Variants in SLTM observed in about 807,000 individuals in gnomAD.
SLTM encodes SAFB like transcription modulator.
In SLTM, 43 loss-of-function variants were observed where a neutral mutation model predicts 134.6. The ratio of observed to expected loss-of-function variants is 0.32; its 90% CI spans 0.25 to 0.41. The LOEUF is 0.41. SLTM is among the 10% of genes least tolerant of loss of function. SLTM has a pLI of 1.00. For synonymous variants in SLTM, 424 were observed against 432.3 expected (o/e 0.98, Z 0.24); for missense variants, 1,055 against 1,288.8 (o/e 0.82, Z 2.78).
At chr15:58,929,567 T>C (rs1241902368) in intron 2 of SLTM, among the ~76,000 whole-genome samples, 1 of 152,238 alleles carries the variant, frequency 6.6e-6, no homozygotes, top group African/African-American at 2.4e-5. Flanking sequence ...AAATTTGGTT[T>C]CTAAAAGTTA....
At chr15:58,882,181 C>CCAAAAAAAAAAAAA (rs753740342) in intron 20 of SLTM, among the ~76,000 whole-genome samples, 1 of 59,526 alleles carries the variant, frequency 1.7e-5, no homozygotes, top group Non-Finnish European at 3.1e-5. Flanking sequence ...GACTCTGTCT[C>CCAAAAAAAAAAAAA]AAAAAAAAAA....
At position 58,894,080 on chromosome 15, in the gene SLTM, A is replaced by T. The variant is rs2034880962; in HGVS notation, c.1481+10T>A. The T allele has an allele frequency of 6.3e-7, 1 of 1,594,096 alleles. No individual in the cohort carries two copies. Among genetic ancestry groups the T allele is most frequent in the African/African-American group, 1.4e-5 (1 of 73,564 alleles). On this transcript the variant is annotated intron_variant, in intron 11 of 20. Transcript: ENST00000380516. ...CTTATCAAAATAAATAAATAAAAAT[A>T]AATCCTTACTTGCTACTTCTATCAC... is the stretch of plus-strand genomic sequence containing the variant.
intron 9 of SLTM, among the ~76,000 whole-genome samples, chr15:58,896,047 TA>T (rs2035053484): frequency 6.6e-6 from 1 of 152,220 alleles, no homozygotes; most frequent in African/African-American, 2.4e-5. Flanking sequence ...TGAAAAACTA[TA>T]ATGTAAGTAG....
At chr15:58,904,650 G>T (rs1202851399) in intron 5 of SLTM, among the ~76,000 whole-genome samples, 1 of 151,538 alleles carries the variant, frequency 6.6e-6, no homozygotes, top group East Asian at 1.9e-4. Flanking sequence ...GGGTTCCAGG[G>T]ATTCTCATGC....
chr15:58,922,546 ATG>A (rs1491363256), intron 2 of SLTM, among the ~76,000 whole-genome samples: 3 of 696 alleles, frequency 4.3e-3, no homozygotes, highest in Non-Finnish European at 0.013. Flanking sequence ...TATATTTTAT[ATG>A]TATATAATAT....
chr15:58,922,446 A>ATATAT (rs1400191325), intron 2 of SLTM, among the ~76,000 whole-genome samples: 1 of 145,532 alleles, frequency 6.9e-6, no homozygotes, highest in African/African-American at 2.5e-5. Context: ...AACACTATAT[A>ATATAT]TATATTTATA....
At chr15:58,898,689 C>A in intron 8 of SLTM, 114 bp downstream of exon 8, 1 of 711,674 alleles carries the variant, frequency 1.4e-6, no homozygotes, top group South Asian at 1.6e-5. Context: ...AGTTTCTAGT[C>A]TGTCAATAAA....
chr15:58,930,349 C>T (rs2037785179), intron 2 of SLTM, among the ~76,000 whole-genome samples: 4 of 146,464 alleles, frequency 2.7e-5, no homozygotes, highest in Admixed American at 6.9e-5. Context: ...AGGCTGCTCT[C>T]GAATTCCCGA....
rs541666977 is a variant in SLTM, at chr15:58,899,231, A to G, written c.1058+238T>C. 9 of 473,952 alleles carry G rather than the reference A, an allele frequency of 1.9e-5. No homozygotes were observed. Among genetic ancestry groups the G allele is most frequent in the African/African-American group, 1.2e-4 (6 of 49,550 alleles). The allele number at this position is 473,952 out of a possible 1,614,324, so 29.4% of individuals were successfully genotyped here. A position where few individuals can be genotyped will look rare whatever the true frequency, so the allele number is the denominator to read the frequency against. On this transcript the variant is annotated intron_variant, in intron 7 of 20. Transcript: ENST00000380516. The surrounding 1 kb of genome is among the most constrained non-coding windows in gnomAD (Gnocchi z 5.0). ...TTGAAAAAAAAAAACAAAAAACAAA[A>G]AACAACAAAAAAACCAAATATATGC...
chr15:58,904,114 C>T (rs550953729), intron 5 of SLTM, among the ~76,000 whole-genome samples: 2 of 152,074 alleles, frequency 1.3e-5, no homozygotes, highest in Non-Finnish European at 1.5e-5. Flanking sequence ...GTTGATCCTC[C>T]GGCCTCGGCC....
chr15:58,922,377 CAAAAAAAAA>C (rs59996812), intron 2 of SLTM, among the ~76,000 whole-genome samples: 1 of 61,132 alleles, frequency 1.6e-5, no homozygotes, highest in Non-Finnish European at 2.7e-5. Context: ...AACTCTGCCT[CAAAAAAAAA>C]AAAAAAAAAA....
At chr15:58,931,859 G>A (rs891024193) in intron 2 of SLTM, among the ~76,000 whole-genome samples, 31 of 152,202 alleles carry the variant, frequency 2.0e-4, no homozygotes, top group African/African-American at 6.5e-4. Flanking sequence ...GATTGGTGAG[G>A]TCTTTTTGAA....
intron 19 of SLTM, among the ~76,000 whole-genome samples, chr15:58,884,884 C>T (rs1384613028): frequency 6.6e-6 from 1 of 152,186 alleles, no homozygotes; most frequent in African/African-American, 2.4e-5. Context: ...ATCCTCCCGC[C>T]TTGGCCTCCA....
At chr15:58,906,974 G>A (rs925788723) in intron 5 of SLTM, among the ~76,000 whole-genome samples, 4 of 152,100 alleles carry the variant, frequency 2.6e-5, no homozygotes, top group Non-Finnish European at 4.4e-5. Context: ...TTACCCTGTC[G>A]TTATCACTGA....
At chr15:58,891,283 G>A (rs2034624924) in intron 14 of SLTM, among the ~76,000 whole-genome samples, 1 of 152,144 alleles carries the variant, frequency 6.6e-6, no homozygotes, top group Non-Finnish European at 1.5e-5. Flanking sequence ...ATGGAATAGT[G>A]AGGATAGTCG....
intron 2 of SLTM, 106 bp downstream of exon 2, chr15:58,932,250 G>A: frequency 1.2e-6 from 1 of 802,266 alleles, no homozygotes; most frequent in Non-Finnish European, 2.1e-6. Flanking sequence ...CTGCCAGAGG[G>A]AAATAGCAAA....
intron 14 of SLTM, among the ~76,000 whole-genome samples, chr15:58,891,895 G>A (rs2034669069): frequency 6.6e-6 from 1 of 151,958 alleles, no homozygotes; most frequent in South Asian, 2.1e-4. Flanking sequence ...GTCACATAGG[G>A]TTTGAGAATC....
chr15:58,895,001 A>G (rs753909831), intron 9 of SLTM, among the ~76,000 whole-genome samples: 24 of 152,192 alleles, frequency 1.6e-4, no homozygotes, highest in Non-Finnish European at 2.6e-4. Context: ...CACTGCAGCC[A>G]GCCTATTTCA....
rs1276512783 is a variant in SLTM at position 58,899,428 on chromosome 15, T to C, written c.1058+41A>G. 6.6e-7 allele frequency: 1 copy of C among 1,523,122 alleles called. No individual in the cohort carries two copies. Among genetic ancestry groups the C allele is most frequent in the South Asian group, 1.1e-5 (1 of 88,668 alleles). The allele number at this position is 1,523,122 out of a possible 1,614,324, so 94.4% of individuals were successfully genotyped here. On this transcript the variant is annotated intron_variant, in intron 7 of 20. Coordinates refer to ENST00000380516, the MANE Select transcript of SLTM (RefSeq NM_024755.4). The surrounding 1 kb of genome is among the most constrained non-coding windows in gnomAD (Gnocchi z 5.0). ...AATGTAGAGTGATCTTATTGAATGCTGGAATTCAGTATCGTAAAGAACTGA... is the reference window on the plus strand; with the variant it reads ...AATGTAGAGTGATCTTATTGAATGCCGGAATTCAGTATCGTAAAGAACTGA...
Sources: allele counts gnomAD v4.1 joint callset (sites outside exome capture counted in the v4.1 genomes callset), GRCh38; gene constraint gnomAD v4.1.1; non-coding constraint Gnocchi (gnomAD v3.1); transcripts MANE v1.5; gene names NCBI Gene and HGNC (gene_info 2026-07-23, HGNC 2026-07-21).